CC2D2B: variants seen among roughly 807,000 people sequenced by gnomAD.
CC2D2B encodes coiled-coil and C2 domain containing 2B.
Under a neutral mutation model 161.2 loss-of-function variants are expected in CC2D2B, and 128 were observed. That is an observed-to-expected ratio of 0.79 (90% CI 0.69 to 0.92). The LOEUF is 0.92. CC2D2B is among the 40% of genes least tolerant of loss of function. The pLI is 0.00. For synonymous variants in CC2D2B, 391 were observed against 449.8 expected, an observed-to-expected ratio of 0.87 and a Z score of 1.65; for missense variants, 1,173 against 1,375.1, an observed-to-expected ratio of 0.85 and a Z score of 2.32.
In CC2D2B at chr10:96,019,343, T is replaced by A. The variant is rs2079352534; in HGVS notation, c.3765+6T>A. 1.2e-6 allele frequency: 2 copies of A among 1,600,880 alleles called. No individual in the cohort carries two copies. Among genetic ancestry groups the A allele is most frequent in the African/African-American group, 1.4e-5 (1 of 73,784 alleles). On this transcript the variant is annotated splice_donor_region_variant and intron_variant, in intron 31 of 34. Coordinates refer to ENST00000646931, the MANE Select transcript of CC2D2B (RefSeq NM_001349008.3). ...GTTTGTTTGATGATAGAAATGTAAG[T>A]ATATGGGGAAAAAAAATCTTGAGTT...
In CC2D2B at chr10:96,019,499, T is replaced by C. The variant is rs1046894273; in HGVS notation, c.3765+162T>C. 4 of 820,938 alleles carry C rather than the reference T, an allele frequency of 4.9e-6. No individual in the cohort carries two copies. The African/African-American group carries it at 6.9e-5, about 14-fold the overall frequency. The allele number at this position is 820,938 out of a possible 1,614,324, so 50.9% of individuals were successfully genotyped here. A position where few individuals can be genotyped will look rare whatever the true frequency, so the allele number is the denominator to read the frequency against. ...TCACTAAAGCTCCTCCAGGTGATTG[T>C]GTAGTGCCTTCAAGGATGAGAACCG... is the stretch of plus-strand genomic sequence containing the variant. On this transcript the variant is annotated intron_variant, in intron 31 of 34. Coordinates refer to ENST00000646931, the MANE Select transcript of CC2D2B (RefSeq NM_001349008.3).
At chr10:95,996,556 C>T (rs555819402) in intron 24 of CC2D2B, among the ~76,000 whole-genome samples, 5 of 152,294 alleles carry the variant, frequency 3.3e-5, no homozygotes, top group South Asian at 4.1e-4. Flanking sequence ...CATTACCTAA[C>T]GGCATCTTCT....
At chr10:96,021,572 C>T (rs991979922) in intron 32 of CC2D2B, 2 of 152,082 alleles carry the variant, frequency 1.3e-5, no homozygotes, top group Non-Finnish European at 2.9e-5. Context: ...TGCATATCTA[C>T]ATGAAAGAAT....
At chr10:96,027,752 A>G (rs1390660965) in intron 34 of CC2D2B, among the ~76,000 whole-genome samples, 2 of 152,222 alleles carry the variant, frequency 1.3e-5, no homozygotes, top group Non-Finnish European at 2.9e-5. Context: ...TATACTATAG[A>G]GCTTTAGTAA....
chr10:95,911,818 A>G (rs1308504366), intron 2 of CC2D2B, among the ~76,000 whole-genome samples: 1 of 152,234 alleles, frequency 6.6e-6, no homozygotes, highest in Non-Finnish European at 1.5e-5. Flanking sequence ...TTGGGAACTA[A>G]TAAGGGAGAC....
chr10:95,974,850 A>G (rs1248242884), intron 17 of CC2D2B, among the ~76,000 whole-genome samples: 4 of 152,228 alleles, frequency 2.6e-5, no homozygotes, highest in Non-Finnish European at 5.9e-5. Context: ...GGGAGATAAG[A>G]ATGAATAGTT....
intron 3 of CC2D2B, among the ~76,000 whole-genome samples, chr10:95,923,081 T>C (rs1380397748): frequency 6.6e-6 from 1 of 151,908 alleles, no homozygotes; most frequent in African/African-American, 2.4e-5. Context: ...GCCTCCCAAA[T>C]AGCTGGGATT....
chr10:96,024,308 G>A (rs980377422), intron 32 of CC2D2B, among the ~76,000 whole-genome samples: 2 of 152,276 alleles, frequency 1.3e-5, no homozygotes, highest in Admixed American at 6.5e-5. Flanking sequence ...CAAAGAACTG[G>A]CTTCTTCCAG....
intron 34 of CC2D2B, among the ~76,000 whole-genome samples, chr10:96,029,799 A>AT (rs2079988308): frequency 7.1e-6 from 1 of 140,122 alleles, no homozygotes; most frequent in Non-Finnish European, 1.5e-5. Context: ...TATTTGTATT[A>AT]TTTTTTATTG....
intron 12 of CC2D2B, among the ~76,000 whole-genome samples, chr10:95,964,112 A>T (rs1159524508): frequency 6.6e-6 from 1 of 152,176 alleles, no homozygotes; most frequent in Non-Finnish European, 1.5e-5. Context: ...TGCCAAAGAA[A>T]CTTAAAATGA....
chr10:95,996,283 T>TA (rs1346332218), intron 24 of CC2D2B, 31 bp downstream of exon 24: 3 of 929,850 alleles, frequency 3.2e-6, no homozygotes, highest in Non-Finnish European at 3.2e-6. Context: ...CCATAGCTCC[T>TA]AAAAAAAGAG....
intron 33 of CC2D2B, among the ~76,000 whole-genome samples, chr10:96,025,174 T>C (rs1278792277): frequency 6.6e-5 from 1 of 15,100 alleles, no homozygotes; most frequent in Non-Finnish European, 1.2e-4. Flanking sequence ...TATATATATA[T>C]ATATATATAT....
chr10:95,925,287 G>A (rs2098536415), intron 5 of CC2D2B, among the ~76,000 whole-genome samples: 1 of 152,150 alleles, frequency 6.6e-6, no homozygotes, highest in African/African-American at 2.4e-5. Flanking sequence ...TGGAGCAGTA[G>A]CCTTAAAGTT....
chr10:96,003,189 A>G (rs1018534925), intron 24 of CC2D2B, among the ~76,000 whole-genome samples: 19 of 151,976 alleles, frequency 1.3e-4, no homozygotes, highest in Non-Finnish European at 2.4e-4. Flanking sequence ...CCTATTGTAC[A>G]GGATTGAGAT....
rs556735466 is a variant in CC2D2B, at chr10:95,950,683, C to T, written c.1011+578C>T. On this transcript the variant is annotated intron_variant, in intron 10 of 34. Transcript: ENST00000646931. ...GTATGTCTCATTCAACTAATGAATACATTTGAAATCAAATCCCCTCTAAGC... is the reference window on the plus strand; with the variant it reads ...GTATGTCTCATTCAACTAATGAATATATTTGAAATCAAATCCCCTCTAAGC... Among the ~76,000 whole-genome samples, 105 of 152,302 alleles carry T rather than the reference C, an allele frequency of 6.9e-4. 2 individuals are homozygous for T. Among genetic ancestry groups the T allele is most frequent in the Non-Finnish European group, 1.3e-3 (87 of 68,022 alleles).
chr10:95,967,836 A>C (rs1032493107), intron 14 of CC2D2B, among the ~76,000 whole-genome samples: 1 of 152,166 alleles, frequency 6.6e-6, no homozygotes, highest in Non-Finnish European at 1.5e-5. Context: ...AGAGATGGAC[A>C]GATAATAAGG....
rs530743272 is a variant in CC2D2B at position 95,951,795 on chromosome 10, T to C, written c.1011+1690T>C. 2.6e-5 allele frequency among the ~76,000 whole-genome samples: 4 copies of C among 151,712 alleles called. No individual in the cohort carries two copies. In the East Asian group the frequency reaches 5.8e-4, roughly 22 times the overall value. ...TTTATTTTTCATGTATATGCATGGC[T>C]CTCTGCATAAAATAAAAACTTTTGG... On this transcript the variant is annotated intron_variant, in intron 10 of 34. Transcript: ENST00000646931.
chr10:95,947,113 A>ATATATATATATATT (rs1289243570), intron 9 of CC2D2B, among the ~76,000 whole-genome samples: 3 of 48,386 alleles, frequency 6.2e-5, no homozygotes, highest in Admixed American at 5.6e-4. Context: ...ATATATATAT[A>ATATATATATATATT]TTTTTTTTTT....
chr10:96,006,780 A>C (rs1023331), intron 25 of CC2D2B, among the ~76,000 whole-genome samples: 107,708 of 151,940 alleles, frequency 0.71, 38,530 homozygotes, highest in East Asian at 0.83. Context: ...ATCATAGCAG[A>C]ACCTCTTCCA....
Sources: allele counts gnomAD v4.1 joint callset (sites outside exome capture counted in the v4.1 genomes callset), GRCh38; gene constraint gnomAD v4.1.1; transcripts MANE v1.5; gene names NCBI Gene and HGNC (gene_info 2026-07-23, HGNC 2026-07-21).